Variants in PPP3CA observed in about 807,000 individuals in gnomAD.
PPP3CA encodes CAM-PRP catalytic subunit.
A neutral mutation model predicts 66.5 loss-of-function variants in PPP3CA; 14 were observed. The observed-to-expected ratio is 0.21, with a 90% CI of 0.14 to 0.33. The LOEUF is 0.33. PPP3CA is among the 10% of genes least tolerant of loss of function. The probability of loss-of-function intolerance (pLI) is 1.00; values close to 1 mark genes in which losing one functional copy is unlikely to be tolerated. For missense variants in PPP3CA, 317 were observed against 639.5 expected, an observed-to-expected ratio of 0.50 and a Z score of 5.44; for synonymous variants, 232 against 226.2, an observed-to-expected ratio of 1.03 and a Z score of -0.23.
chr4:101,260,682 C>G (rs1347950785), intron 1 of PPP3CA, among the ~76,000 whole-genome samples: 1 of 152,124 alleles, frequency 6.6e-6, no homozygotes, highest in Non-Finnish European at 1.5e-5. Context: ...TCCAAACTAT[C>G]TTCTGCCCCT....
chr4:101,324,325 T>C (rs1340326767), intron 1 of PPP3CA, among the ~76,000 whole-genome samples: 2 of 151,972 alleles, frequency 1.3e-5, no homozygotes, highest in Non-Finnish European at 2.9e-5. Flanking sequence ...TCAATGCAGG[T>C]AGTCTGGCTC....
chr4:101,059,143 T>A (rs1281391075), intron 10 of PPP3CA, among the ~76,000 whole-genome samples: 1 of 152,146 alleles, frequency 6.6e-6, no homozygotes, highest in Non-Finnish European at 1.5e-5. Context: ...AGGAAAAAAT[T>A]TCTGCCATTC....
At chr4:101,143,772 T>G (rs924122423) in intron 2 of PPP3CA, among the ~76,000 whole-genome samples, 12 of 152,188 alleles carry the variant, frequency 7.9e-5, no homozygotes, top group Non-Finnish European at 1.5e-4. Context: ...CAGAGTGGTG[T>G]CTCTAAACCA....
In PPP3CA at chr4:101,055,252, T is replaced by C. The variant is rs138354207; in HGVS notation, c.1156+5835A>G. Among the ~76,000 whole-genome samples the C allele has an allele frequency of 5.3e-5, 8 of 152,248 alleles. No homozygotes were observed. In the East Asian group the frequency reaches 1.5e-3, roughly 29 times the overall value. ...CTCTTGTAATGAAGGTTGATTTCTG[T>C]TAGCTCTACTTTGGAATCACTTACT... On this transcript the variant is annotated intron_variant, in intron 10 of 13. Transcript: ENST00000394854.
rs568622311 is a variant in PPP3CA, at chr4:101,089,132, G to A, written c.782+4644C>T. ...GAGCTCAGGAAAAGAGATGAAGCGG[G>A]CTAGACATAGATTCAGGAACTGGCC... On this transcript the variant is annotated intron_variant, in intron 6 of 13. Coordinates refer to ENST00000394854, the MANE Select transcript of PPP3CA (RefSeq NM_000944.5). Among the ~76,000 whole-genome samples the A allele has an allele frequency of 9.9e-5, 15 of 152,230 alleles. 1 individual carries two copies. In the South Asian group the frequency reaches 3.1e-3, roughly 32 times the overall value.
intron 6 of PPP3CA, among the ~76,000 whole-genome samples, chr4:101,088,159 CGT>C (rs912358086): frequency 7.2e-5 from 11 of 151,978 alleles, no homozygotes; most frequent in African/African-American, 2.4e-4. Flanking sequence ...TGTGTGTGCG[CGT>C]GTGTGTAATA....
At chr4:101,295,152 T>C (rs1728160242) in intron 1 of PPP3CA, among the ~76,000 whole-genome samples, 1 of 149,240 alleles carries the variant, frequency 6.7e-6, no homozygotes, top group Non-Finnish European at 1.5e-5. Context: ...ATACAAAAAA[T>C]TAGCCGGGCG....
intron 10 of PPP3CA, among the ~76,000 whole-genome samples, chr4:101,053,168 T>C (rs962607243): frequency 3.9e-5 from 6 of 152,132 alleles, no homozygotes; most frequent in East Asian, 1.9e-4. Context: ...GATATTAGAA[T>C]AGGGCACACT....
Position 101,120,481 on chromosome 4 carries a change from G to C in PPP3CA, c.260-11403C>G, listed in dbSNP as rs115831156. 3.6e-3 allele frequency among the ~76,000 whole-genome samples: 544 copies of C among 151,870 alleles called. 5 individuals carry two copies. The highest frequency in any genetic ancestry group is 0.013 in the African/African-American group (528 of 41,472). On this transcript the variant is annotated intron_variant, in intron 2 of 13. Transcript: ENST00000394854. ...GGTCTCCCGTTGATGTCTGATATGG[G>C]CAAATCATTTTATTGCCCATTTCCA...
At chr4:101,213,892 A>G (rs1031695391) in intron 1 of PPP3CA, among the ~76,000 whole-genome samples, 5 of 152,126 alleles carry the variant, frequency 3.3e-5, no homozygotes, top group African/African-American at 1.2e-4. Context: ...TAAAAAATCT[A>G]CCTAGAGAAG....
Position 101,332,214 on chromosome 4 carries a change from C to G in PPP3CA, c.58+14525G>C, listed in dbSNP as rs541186875. ...ACTGTTGTATATAGGGTTTGAGAGA[C>G]AGCTCAAGAGAAAAGTCTAGGTTTC... is the stretch of plus-strand genomic sequence containing the variant. On this transcript the variant is annotated intron_variant, in intron 1 of 13. Transcript: ENST00000394854. Among the ~76,000 whole-genome samples, 3 of 152,264 alleles carry G rather than the reference C, an allele frequency of 2.0e-5. No homozygotes were observed. In the South Asian group the frequency reaches 6.2e-4, roughly 32 times the overall value.
intron 2 of PPP3CA, among the ~76,000 whole-genome samples, chr4:101,131,287 A>AAAATAAAAC (rs1722427084): frequency 1.3e-5 from 2 of 151,342 alleles, no homozygotes; most frequent in African/African-American, 4.8e-5. Context: ...TAAAATAAAA[A>AAAATAAAAC]GGCACAGACT....
intron 2 of PPP3CA, among the ~76,000 whole-genome samples, chr4:101,169,459 T>G (rs1723800199): frequency 6.6e-6 from 1 of 152,172 alleles, no homozygotes; most frequent in African/African-American, 2.4e-5. Flanking sequence ...AGTGCAGACA[T>G]GCCCAACCAC....
Position 101,346,877 on chromosome 4 carries a change from A to G in PPP3CA, c.-81T>C, listed in dbSNP as rs1578209208. ...ACCGGACCGGCGGGCCAGACACTCA[A>G]CGCCGCCGCCGCCGCCGCCGCCGCC... On this transcript the variant is annotated 5_prime_UTR_variant, in exon 1 of 14. Transcript: ENST00000394854. The G allele has an allele frequency of 8.1e-7, 1 of 1,241,648 alleles. No individual in the cohort carries two copies. Among genetic ancestry groups the G allele is most frequent in the South Asian group, 1.4e-5 (1 of 69,270 alleles). The allele number at this position is 1,241,648 out of a possible 1,614,324, so 76.9% of individuals were successfully genotyped here.
chr4:101,115,268 G>T (rs1721804549), intron 2 of PPP3CA, among the ~76,000 whole-genome samples: 1 of 151,936 alleles, frequency 6.6e-6, no homozygotes, highest in Non-Finnish European at 1.5e-5. Flanking sequence ...ATAATAGCCA[G>T]CATATTGAGG....
chr4:101,183,775 A>G (rs1447007331), intron 2 of PPP3CA, among the ~76,000 whole-genome samples: 1 of 152,070 alleles, frequency 6.6e-6, no homozygotes, highest in Non-Finnish European at 1.5e-5. Flanking sequence ...ACAGACTGGA[A>G]GCTGTTGACT....
rs60331979 is a variant in PPP3CA, at chr4:101,085,835, T to TACAC, written c.783-2576_783-2573dup. Among the ~76,000 whole-genome samples, 343 of 143,966 alleles carry TACAC rather than the reference T, an allele frequency of 2.4e-3. 2 individuals are homozygous for TACAC. Among genetic ancestry groups the TACAC allele is most frequent in the African/African-American group, 7.9e-3 (312 of 39,674 alleles). 94.4% of individuals were successfully genotyped at this position (143,966 alleles called of 152,430 possible). On this transcript the variant is annotated intron_variant, in intron 6 of 13. Coordinates refer to ENST00000394854, the MANE Select transcript of PPP3CA (RefSeq NM_000944.5). ...TTCAAGCTGAAAAGCACTGCGTATATACACACACACACACACACACACAGA... is the reference window on the plus strand; with the variant it reads ...TTCAAGCTGAAAAGCACTGCGTATATACACACACACACACACACACACACACAGA...
chr4:101,145,390 AGAT>A (rs935330874), intron 2 of PPP3CA, among the ~76,000 whole-genome samples: 2 of 152,216 alleles, frequency 1.3e-5, no homozygotes, highest in Non-Finnish European at 2.9e-5. Flanking sequence ...GTCCATCAAC[AGAT>A]GAATGGATAA....
In PPP3CA at chr4:101,320,472, GTA is replaced by G. The variant is rs200906500; in HGVS notation, c.58+26265_58+26266del. On this transcript the variant is annotated intron_variant, in intron 1 of 13. Coordinates refer to ENST00000394854, the MANE Select transcript of PPP3CA (RefSeq NM_000944.5). ...CACTCATATGTATGTATGTATGTAT[GTA>G]TGTGTGTGTGTGTGTGTATACACAC... Among the ~76,000 whole-genome samples the G allele has an allele frequency of 4.4e-3, 580 of 130,606 alleles. 5 individuals carry two copies. The highest frequency in any genetic ancestry group is 0.017 in the African/African-American group (497 of 29,048). 85.7% of individuals were successfully genotyped at this position (130,606 alleles called of 152,430 possible). A position where few individuals can be genotyped will look rare whatever the true frequency, so the allele number is the denominator to read the frequency against.
Sources: allele counts gnomAD v4.1 joint callset (sites outside exome capture counted in the v4.1 genomes callset), GRCh38; gene constraint gnomAD v4.1.1; transcripts MANE v1.5; gene names NCBI Gene and HGNC (gene_info 2026-07-23, HGNC 2026-07-21).